The following ATP6V1A variants were observed in gnomAD, a reference collection of about 807,000 sequenced individuals.
ATP6V1A encodes the protein ATPase H+ transporting V1 subunit A.
In ATP6V1A, 18 loss-of-function variants were observed where a neutral mutation model predicts 70.1. The observed-to-expected ratio is 0.26, with a 90% CI of 0.18 to 0.38. The LOEUF is 0.38. Among genes scored for constraint, ATP6V1A ranks in the 10% least tolerant of loss-of-function variants. The pLI is 1.00. For synonymous variants in ATP6V1A, 232 were observed against 253.8 expected, an observed-to-expected ratio of 0.91 and a Z score of 0.82; for missense variants, 424 against 772.4, an observed-to-expected ratio of 0.55 and a Z score of 5.35.
intron 1 of ATP6V1A, among the ~76,000 whole-genome samples, chr3:113,772,381 G>A (rs1173170109): frequency 1.3e-5 from 2 of 152,162 alleles, no homozygotes; most frequent in East Asian, 3.8e-4. Context: ...AGGAGCACAG[G>A]AAATATAAAA....
At chr3:113,806,929 C>T (rs978601827) in intron 14 of ATP6V1A, among the ~76,000 whole-genome samples, 11 of 151,890 alleles carry the variant, frequency 7.2e-5, no homozygotes, top group African/African-American at 2.4e-4. Flanking sequence ...ATTTACTAAC[C>T]ACCTACTGAG....
rs147490583 is a variant in ATP6V1A at position 113,804,665 on chromosome 3, G to A, written c.1590-689G>A. 5.9e-3 allele frequency among the ~76,000 whole-genome samples: 900 copies of A among 152,224 alleles called. 14 individuals carry two copies. The highest frequency in any genetic ancestry group is 0.021 in the African/African-American group (857 of 41,534). On this transcript the variant is annotated intron_variant, in intron 13 of 14. Coordinates refer to ENST00000273398, the MANE Select transcript of ATP6V1A (RefSeq NM_001690.4). ...AAGCCCCAGAAATCTGCTCTACTGG[G>A]AACTTAACGAAGCTTCTAGGAACCA...
intron 1 of ATP6V1A, among the ~76,000 whole-genome samples, chr3:113,772,259 C>T (rs1708850198): frequency 6.6e-6 from 1 of 152,168 alleles, no homozygotes; most frequent in Non-Finnish European, 1.5e-5. Context: ...GAAGGGTTGA[C>T]AGCTGTTAGT....
chr3:113,767,044 G>A (rs1708779716), intron 1 of ATP6V1A, among the ~76,000 whole-genome samples: 1 of 150,422 alleles, frequency 6.6e-6, no homozygotes, highest in African/African-American at 2.4e-5. Context: ...CATAATGCCT[G>A]GAGTGTGATA....
intron 1 of ATP6V1A, among the ~76,000 whole-genome samples, chr3:113,758,859 AG>A (rs1379348552): frequency 6.6e-6 from 1 of 152,184 alleles, no homozygotes; most frequent in Admixed American, 6.5e-5. Context: ...TTAAACTTTT[AG>A]CCATTCTGAT....
intron 1 of ATP6V1A, among the ~76,000 whole-genome samples, chr3:113,754,819 G>C (rs1708628442): frequency 6.6e-6 from 1 of 152,130 alleles, no homozygotes; most frequent in Non-Finnish European, 1.5e-5. Context: ...CTTTAAAGAA[G>C]CAAAATAAAA....
Position 113,809,439 on chromosome 3 carries a change from A to T in ATP6V1A, c.*12A>T, listed in dbSNP as rs773736817. ...GCCTTGAAGATTAGAAGCCTTGAAG[A>T]TTACAACTGTGATTTCCTTTTCCTC... On this transcript the variant is annotated 3_prime_UTR_variant, in exon 15 of 15. Transcript: ENST00000273398. 14 of 1,607,144 alleles carry T rather than the reference A, an allele frequency of 8.7e-6. No individual in the cohort carries two copies. The Admixed American group carries it at 2.2e-4, about 25-fold the overall frequency.
chr3:113,749,958 A>C (rs957731719), intron 1 of ATP6V1A, among the ~76,000 whole-genome samples: 4 of 152,192 alleles, frequency 2.6e-5, no homozygotes, highest in African/African-American at 7.2e-5. Flanking sequence ...ATGTTTGTTT[A>C]CTAATAAGTA....
intron 1 of ATP6V1A, among the ~76,000 whole-genome samples, chr3:113,758,123 G>A (rs1010945749): frequency 3.3e-5 from 5 of 152,058 alleles, no homozygotes; most frequent in Admixed American, 1.3e-4. Flanking sequence ...CCAGCCTGGC[G>A]ATAGAGTGAG....
chr3:113,788,929 C>A, intron 7 of ATP6V1A, 54 bp downstream of exon 7: 1 of 1,496,854 alleles, frequency 6.7e-7, no homozygotes, highest in South Asian at 1.2e-5. Context: ...CATCAGTGTT[C>A]ATTGACAATT....
chr3:113,779,017 T>C (rs1708950359), intron 2 of ATP6V1A, 182 bp downstream of exon 2: 2 of 394,142 alleles, frequency 5.1e-6, no homozygotes, highest in Admixed American at 4.5e-5. Flanking sequence ...TCATCTAGCA[T>C]TGATTATCTA....
intron 1 of ATP6V1A, among the ~76,000 whole-genome samples, chr3:113,773,373 C>CTAGAGTATGATG (rs1708873273): frequency 6.6e-6 from 1 of 152,128 alleles, no homozygotes; most frequent in East Asian, 1.9e-4. Context: ...ACTCTAGGTT[C>CTAGAGTATGATG]TCTTATTAGT....
chr3:113,807,657 T>C lies in ATP6V1A; in HGVS notation c.1762-1678T>C, dbSNP rs184526890. Among the ~76,000 whole-genome samples the C allele has an allele frequency of 4.5e-4, 69 of 152,256 alleles. No individual in the cohort carries two copies. In the East Asian group the frequency reaches 0.013, roughly 28 times the overall value. On this transcript the variant is annotated intron_variant, in intron 14 of 14. Transcript: ENST00000273398. ...ATGTAACTTGATCCAAATATTGTCTTAAAAAACTATATATTCATAGAAAGA... is the reference window on the plus strand; with the variant it reads ...ATGTAACTTGATCCAAATATTGTCTCAAAAAACTATATATTCATAGAAAGA...
At chr3:113,785,324 CAGCT>C (rs1381565600) in intron 5 of ATP6V1A, among the ~76,000 whole-genome samples, 1 of 152,060 alleles carries the variant, frequency 6.6e-6, no homozygotes. Flanking sequence ...CCTGTAATCC[CAGCT>C]AGTTGAAAGG....
At chr3:113,786,686 A>G (rs945237151) in intron 6 of ATP6V1A, among the ~76,000 whole-genome samples, 1 of 150,644 alleles carries the variant, frequency 6.6e-6, no homozygotes, top group Non-Finnish European at 1.5e-5. Context: ...TGCCCACAGA[A>G]AGCATTATTT....
intron 1 of ATP6V1A, among the ~76,000 whole-genome samples, chr3:113,771,747 T>C (rs908737128): frequency 1.3e-5 from 2 of 152,082 alleles, no homozygotes; most frequent in Admixed American, 6.6e-5. Flanking sequence ...TCTTTTTTTC[T>C]TTAGTTTTTT....
chr3:113,805,956 A>G (rs921722965), intron 14 of ATP6V1A, among the ~76,000 whole-genome samples: 6 of 152,166 alleles, frequency 3.9e-5, no homozygotes, highest in African/African-American at 1.4e-4. Flanking sequence ...GTTATGTTCA[A>G]ATAGGAATTC....
intron 7 of ATP6V1A, among the ~76,000 whole-genome samples, chr3:113,789,419 G>A (rs2108033848): frequency 6.6e-6 from 1 of 152,172 alleles, no homozygotes; most frequent in African/African-American, 2.4e-5. Context: ...CTTATTGAGA[G>A]AAAGATGAAA....
At chr3:113,764,242 A>AG (rs1708741520) in intron 1 of ATP6V1A, among the ~76,000 whole-genome samples, 1 of 152,078 alleles carries the variant, frequency 6.6e-6, no homozygotes, top group Non-Finnish European at 1.5e-5. Context: ...CAAAAAAAAA[A>AG]GAAAAAAAAG....
Sources: allele counts gnomAD v4.1 joint callset (sites outside exome capture counted in the v4.1 genomes callset), GRCh38; gene constraint gnomAD v4.1.1; transcripts MANE v1.5; gene names NCBI Gene and HGNC (gene_info 2026-07-23, HGNC 2026-07-21).